Variants in SDC2 observed in about 807,000 individuals in gnomAD.
The protein encoded by SDC2 is syndecan 2.
A neutral mutation model predicts 22.2 loss-of-function variants in SDC2; 13 were observed. The ratio of observed to expected loss-of-function variants is 0.59; its 90% CI spans 0.38 to 0.93. The LOEUF is 0.93. SDC2 is among the 40% of genes least tolerant of loss of function. SDC2 has a pLI of 0.00. For missense variants in SDC2, 235 were observed against 246.8 expected, an observed-to-expected ratio of 0.95 and a Z score of 0.32; for synonymous variants, 94 against 92.8, an observed-to-expected ratio of 1.01 and a Z score of -0.07.
At chr8:96,512,039 C>T (rs571158973) in intron 1 of SDC2, among the ~76,000 whole-genome samples, 1 of 152,266 alleles carries the variant, frequency 6.6e-6, no homozygotes, top group South Asian at 2.1e-4. Flanking sequence ...GGTGGCCAGT[C>T]CATCCATACT....
intron 1 of SDC2, among the ~76,000 whole-genome samples, chr8:96,510,411 T>C (rs937430882): frequency 1.3e-5 from 2 of 152,204 alleles, no homozygotes; most frequent in African/African-American, 4.8e-5. Context: ...TAGTTCATGC[T>C]TAAGCACAAA....
chr8:96,556,540 A>G (rs1814116314), intron 1 of SDC2, among the ~76,000 whole-genome samples: 1 of 152,016 alleles, frequency 6.6e-6, no homozygotes, highest in African/African-American at 2.4e-5. Context: ...TCCCTATTTA[A>G]TAAATGGTGC....
chr8:96,571,362 G>C (rs1268370179), intron 1 of SDC2, among the ~76,000 whole-genome samples: 1 of 152,176 alleles, frequency 6.6e-6, no homozygotes, highest in African/African-American at 2.4e-5. Context: ...TAGGGAGGTG[G>C]GATGAAGTTA....
chr8:96,507,706 T>G (rs961727153), intron 1 of SDC2, among the ~76,000 whole-genome samples: 5 of 152,318 alleles, frequency 3.3e-5, no homozygotes, highest in South Asian at 2.1e-4. Context: ...AGGCTGCTAT[T>G]GTAGTTAAGA....
In SDC2 at chr8:96,533,025, C is replaced by T. The variant is rs138097356; in HGVS notation, c.60+38694C>T. 3.0e-3 allele frequency among the ~76,000 whole-genome samples: 450 copies of T among 152,254 alleles called. 2 individuals carry two copies. The highest frequency in any genetic ancestry group is 0.01 in the African/African-American group (417 of 41,542). ...TGAATGTTGTAGTTCTTAAAGGCAG[C>T]GTGTCCAGAGTTTGTTCCTTCTGAT... On this transcript the variant is annotated intron_variant, in intron 1 of 4. Transcript: ENST00000302190.
At chr8:96,536,710 A>T (rs1813760764) in intron 1 of SDC2, among the ~76,000 whole-genome samples, 1 of 152,222 alleles carries the variant, frequency 6.6e-6, no homozygotes, top group Non-Finnish European at 1.5e-5. Context: ...GCAGAGTCTC[A>T]GTCAGCTCTG....
chr8:96,553,463 T>G (rs1386452955), intron 1 of SDC2, among the ~76,000 whole-genome samples: 1 of 130,606 alleles, frequency 7.7e-6, no homozygotes, highest in South Asian at 2.5e-4. Flanking sequence ...TTTTTTTTTT[T>G]TCTTTTAAGT....
rs1247509143 is a variant in SDC2 at position 96,611,428 on chromosome 8, A to T, written c.*1880A>T. The T allele has an allele frequency of 6.6e-6, 1 of 152,596 alleles. No individual in the cohort carries two copies. The highest frequency in any genetic ancestry group is 1.9e-4 in the East Asian group (1 of 5,198). 9.5% of individuals were successfully genotyped at this position (152,596 alleles called of 1,614,324 possible). On this transcript the variant is annotated 3_prime_UTR_variant, in exon 5 of 5. Coordinates refer to ENST00000302190, the MANE Select transcript of SDC2 (RefSeq NM_002998.4). Reference sequence around the variant, plus strand: ...AATTGCCACATAATTCATTAAAAACATTTTTTTAAGCAACACTTGGAACAG... The same window carrying T: ...AATTGCCACATAATTCATTAAAAACTTTTTTTTAAGCAACACTTGGAACAG...
intron 1 of SDC2, among the ~76,000 whole-genome samples, chr8:96,501,653 C>A (rs553993077): frequency 6.6e-6 from 1 of 152,096 alleles, no homozygotes; most frequent in South Asian, 2.1e-4. Context: ...AATATAAATA[C>A]AGTAGACTAA....
At chr8:96,564,528 G>A (rs1407205553) in intron 1 of SDC2, among the ~76,000 whole-genome samples, 3 of 152,188 alleles carry the variant, frequency 2.0e-5, no homozygotes, top group Non-Finnish European at 4.4e-5. Flanking sequence ...TGGGTTGCAC[G>A]TGGATTAGCC....
chr8:96,607,586 C>T (rs1284276165), intron 3 of SDC2, among the ~76,000 whole-genome samples: 1 of 152,132 alleles, frequency 6.6e-6, no homozygotes, highest in Non-Finnish European at 1.5e-5. Context: ...CAGTTAATGT[C>T]CTGCAGGCTG....
At chr8:96,568,278 C>T (rs1348285067) in intron 1 of SDC2, among the ~76,000 whole-genome samples, 1 of 152,198 alleles carries the variant, frequency 6.6e-6, no homozygotes, top group Non-Finnish European at 1.5e-5. Flanking sequence ...GAAATGTTAT[C>T]TGTAATGAGT....
Position 96,610,865 on chromosome 8 carries a change from GA to G in SDC2, c.*1318del, listed in dbSNP as rs1189205240. 2 of 152,650 alleles carry G rather than the reference GA, an allele frequency of 1.3e-5. No homozygotes were observed. The highest frequency in any genetic ancestry group is 2.9e-5 in the Non-Finnish European group (2 of 68,048). 9.5% of individuals were successfully genotyped at this position (152,650 alleles called of 1,614,324 possible). A position where few individuals can be genotyped will look rare whatever the true frequency, so the allele number is the denominator to read the frequency against. ...ATTATCCTGTGTGTGTCTAGGTAGA[GA>G]TATTGGAAGGCTGCCAGGGGATTTC... On this transcript the variant is annotated 3_prime_UTR_variant, in exon 5 of 5. Coordinates refer to ENST00000302190, the MANE Select transcript of SDC2 (RefSeq NM_002998.4).
rs955098870 is a variant in SDC2 at position 96,609,609 on chromosome 8, A to G, written c.*61A>G. ...GAACTTTTCAAAATAAAGCTTTTGC[A>G]TAGAATAATGAAGATCTTTGTTTTT... On this transcript the variant is annotated 3_prime_UTR_variant, in exon 5 of 5. Transcript: ENST00000302190. 9.8e-6 allele frequency: 12 copies of G among 1,229,166 alleles called. No homozygotes were observed. The highest frequency in any genetic ancestry group is 1.2e-5 in the Non-Finnish European group (11 of 904,732). The allele number at this position is 1,229,166 out of a possible 1,614,324, so 76.1% of individuals were successfully genotyped here.
intron 1 of SDC2, among the ~76,000 whole-genome samples, chr8:96,540,803 A>G (rs1455621159): frequency 6.6e-6 from 1 of 152,220 alleles, no homozygotes; most frequent in Non-Finnish European, 1.5e-5. Flanking sequence ...GAAGTATTAA[A>G]ATATAAGCTG....
At chr8:96,516,103 G>GA (rs1045694957) in intron 1 of SDC2, among the ~76,000 whole-genome samples, 1 of 152,146 alleles carries the variant, frequency 6.6e-6, no homozygotes, top group African/African-American at 2.4e-5. Flanking sequence ...TCCCATCTCA[G>GA]ACCCTGCATT....
chr8:96,494,672 G>A (rs1317426559), intron 1 of SDC2, among the ~76,000 whole-genome samples: 1 of 152,166 alleles, frequency 6.6e-6, no homozygotes. Context: ...AGGGTGGCAG[G>A]AGGGGGGAGC....
intron 1 of SDC2, among the ~76,000 whole-genome samples, chr8:96,541,925 T>C (rs1254792336): frequency 6.6e-6 from 1 of 152,188 alleles, no homozygotes; most frequent in East Asian, 1.9e-4. Context: ...TGAGCTCCAA[T>C]GACTGAAACA....
intron 2 of SDC2, among the ~76,000 whole-genome samples, chr8:96,596,255 C>T (rs1454567005): frequency 2.0e-5 from 3 of 152,146 alleles, no homozygotes; most frequent in Admixed American, 6.5e-5. Context: ...GTGCTGCCTC[C>T]TTGTGTCATA....
Sources: allele counts gnomAD v4.1 joint callset (sites outside exome capture counted in the v4.1 genomes callset), GRCh38; gene constraint gnomAD v4.1.1; transcripts MANE v1.5; gene names NCBI Gene and HGNC (gene_info 2026-07-23, HGNC 2026-07-21).